The following KIF6 variants were observed in gnomAD, a reference collection of about 807,000 sequenced individuals.
KIF6 encodes kinesin-like protein KIF6.
Under a neutral mutation model 112.7 loss-of-function variants are expected in KIF6, and 106 were observed. That is an observed-to-expected ratio of 0.94 (90% CI 0.80 to 1.11). The LOEUF is 1.11. Ranked by LOEUF, KIF6 falls within the 50% of genes least tolerant of loss-of-function variation. KIF6 has a pLI of 0.00. For missense variants in KIF6, 929 were observed against 964.0 expected (o/e 0.96, Z 0.48); for synonymous variants, 339 against 339.9 (o/e 1.00, Z 0.03).
chr6:39,673,305 G>T (rs1786949030), intron 3 of KIF6, among the ~76,000 whole-genome samples: 1 of 152,164 alleles, frequency 6.6e-6, no homozygotes, highest in African/African-American at 2.4e-5. Flanking sequence ...ATCCTACCAA[G>T]TCTCATATAA....
At chr6:39,523,617 C>G (rs1198431277) in intron 13 of KIF6, among the ~76,000 whole-genome samples, 2 of 121,534 alleles carry the variant, frequency 1.6e-5, no homozygotes, top group African/African-American at 6.4e-5. Flanking sequence ...GTGCTCTCTT[C>G]TTTACTTCCC....
chr6:39,707,419 C>T (rs116459214), intron 3 of KIF6, among the ~76,000 whole-genome samples: 1,539 of 152,206 alleles, frequency 0.01, 21 homozygotes, highest in African/African-American at 0.035. Flanking sequence ...TTGTCTGAGC[C>T]CACTGGTGTT....
At chr6:39,664,420 C>A (rs2480089) in intron 3 of KIF6, among the ~76,000 whole-genome samples, 82,420 of 152,020 alleles carry the variant, frequency 0.54, 25,567 homozygotes, top group Non-Finnish European at 0.68. Context: ...TGGCTGCATG[C>A]GGAAGGAGCT....
At chr6:39,654,677 T>G (rs906458427) in intron 3 of KIF6, among the ~76,000 whole-genome samples, 1 of 152,238 alleles carries the variant, frequency 6.6e-6, no homozygotes, top group Admixed American at 6.5e-5. Flanking sequence ...ACTTTCACCA[T>G]AGTTATCGCT....
chr6:39,367,246 A>C (rs1233060178), intron 16 of KIF6, among the ~76,000 whole-genome samples: 1 of 152,224 alleles, frequency 6.6e-6, no homozygotes. Flanking sequence ...AATAAAAGCC[A>C]CTGAGCAAGA....
intron 3 of KIF6, among the ~76,000 whole-genome samples, chr6:39,666,311 A>G (rs972936044): frequency 3.3e-5 from 5 of 152,320 alleles, no homozygotes; most frequent in Admixed American, 3.3e-4. Context: ...ATAAGCATTT[A>G]TAAAGTACTT....
intron 18 of KIF6, among the ~76,000 whole-genome samples, chr6:39,357,773 A>G (rs7765442): frequency 0.16 from 23,944 of 152,130 alleles, 2,008 homozygotes; most frequent in Middle Eastern, 0.23. Context: ...AAGGGGAACA[A>G]GCCAGCTATA....
At chr6:39,422,379 A>C (rs993246598) in intron 14 of KIF6, among the ~76,000 whole-genome samples, 6 of 152,184 alleles carry the variant, frequency 3.9e-5, no homozygotes, top group Non-Finnish European at 7.3e-5. Flanking sequence ...GAGCTGGCAG[A>C]AACTGTGTGG....
At chr6:39,497,499 T>C (rs1335596889) in intron 13 of KIF6, among the ~76,000 whole-genome samples, 1 of 152,174 alleles carries the variant, frequency 6.6e-6, no homozygotes, top group Non-Finnish European at 1.5e-5. Context: ...AAGGAAGAAA[T>C]TGATGATTCC....
chr6:39,396,280 G>T (rs1333748200), intron 15 of KIF6, among the ~76,000 whole-genome samples: 2 of 152,244 alleles, frequency 1.3e-5, no homozygotes, highest in Non-Finnish European at 2.9e-5. Flanking sequence ...TCTTTCTGGT[G>T]CAATGGGCCA....
At chr6:39,589,120 C>T (rs370161305) in intron 7 of KIF6, among the ~76,000 whole-genome samples, 314 of 152,268 alleles carry the variant, frequency 2.1e-3, no homozygotes, top group African/African-American at 7.1e-3. Context: ...TTCAGCCTGT[C>T]GAGCTTATCC....
chr6:39,631,358 G>T (rs1784343566), intron 5 of KIF6, among the ~76,000 whole-genome samples: 1 of 151,894 alleles, frequency 6.6e-6, no homozygotes, highest in Admixed American at 6.6e-5. Context: ...TTGTTGCATT[G>T]TTTCTGATCT....
At position 39,524,758 on chromosome 6, in the gene KIF6, C is replaced by G. The variant is rs1201246457; in HGVS notation, c.1645+15245G>C. ...CTGGCAAAGTTGCAATACAGCTCAT[C>G]TTCTCCGTCCTCTAAGTCCTGCTCC... is the stretch of plus-strand genomic sequence containing the variant. On this transcript the variant is annotated intron_variant, in intron 13 of 22. Coordinates refer to ENST00000287152, the MANE Select transcript of KIF6 (RefSeq NM_145027.6). Among the ~76,000 whole-genome samples the G allele has an allele frequency of 3.3e-5, 5 of 152,208 alleles. No individual in the cohort carries two copies. In the South Asian group the frequency reaches 6.2e-4, roughly 19 times the overall value.
At position 39,714,730 on chromosome 6, in the gene KIF6, C is replaced by T; in HGVS notation, c.213G>A (p.Glu71=). The change falls in exon 3 of 23, where the codon GAG becomes GAA. Residue 71 remains glutamate (E), a synonymous_variant. Transcript: ENST00000287152. ...GTTTGGCAATGTTTTCAAAAACGGT[C>T]TCTTGGTTTGCATCCTGATCAAAAA... The part of the protein sequence containing the change: ...QRIFDQDANQ[E]TVFENIAKPV... The T allele has an allele frequency of 6.2e-7, 1 of 1,613,870 alleles. No individual in the cohort carries two copies. The highest frequency in any genetic ancestry group is 2.2e-5 in the East Asian group (1 of 44,876).
At position 39,343,731 on chromosome 6, in the gene KIF6, T is replaced by C; in HGVS notation, c.2406A>G (p.Arg802=). 6.2e-7 allele frequency: 1 copy of C among 1,612,134 alleles called. No individual in the cohort carries two copies. The highest frequency in any genetic ancestry group is 8.5e-7 in the Non-Finnish European group (1 of 1,179,112). The change falls in exon 22 of 23, where the codon AGA becomes AGG. Residue 802 remains arginine, a synonymous_variant. Transcript: ENST00000287152. The surrounding 1 kb of genome is among the most constrained non-coding windows in gnomAD (Gnocchi z 4.1). ...TACATTGCTTCTGCAGAATGCTCTG[T>C]CTGGCCTTGATGAAGGCGATGATGT... ...DSDIIAFIKA[R]QSILQKQCLG...
chr6:39,581,659 AT>A lies in KIF6; in HGVS notation c.1077+3238del, dbSNP rs376214187. 5.3e-4 allele frequency among the ~76,000 whole-genome samples: 78 copies of A among 147,868 alleles called. 1 individual carries two copies. The highest frequency in any genetic ancestry group is 9.6e-4 in the African/African-American group (39 of 40,460). ...GACATCTCCATATGGTAGTGGATAG[AT>A]TTTTTTTTTTATAGTTGTCCCTTTT... is the stretch of plus-strand genomic sequence containing the variant. On this transcript the variant is annotated intron_variant, in intron 9 of 22. Coordinates refer to ENST00000287152, the MANE Select transcript of KIF6 (RefSeq NM_145027.6).
chr6:39,640,060 T>G (rs1321615979), intron 3 of KIF6, among the ~76,000 whole-genome samples: 1 of 152,034 alleles, frequency 6.6e-6, no homozygotes, highest in African/African-American at 2.4e-5. Flanking sequence ...GAAAAAAAGT[T>G]CTGGGGAAAC....
intron 22 of KIF6, among the ~76,000 whole-genome samples, chr6:39,339,422 CG>C (rs1162063877): frequency 6.6e-6 from 1 of 151,996 alleles, no homozygotes; most frequent in Non-Finnish European, 1.5e-5. Flanking sequence ...CCTCCCAGCT[CG>C]GGGCTCTTTC....
intron 3 of KIF6, among the ~76,000 whole-genome samples, chr6:39,681,342 A>C (rs1283683791): frequency 6.6e-6 from 1 of 152,166 alleles, no homozygotes; most frequent in African/African-American, 2.4e-5. Flanking sequence ...CACTATAGGA[A>C]CTGTATTCTG....
Sources: gnomAD v4.1 joint callset for allele counts (sites outside exome capture counted in the v4.1 genomes callset) on GRCh38, gnomAD v4.1.1 for gene constraint, Gnocchi (gnomAD v3.1) non-coding constraint, MANE v1.5 for transcripts, NCBI Gene and HGNC (gene_info 2026-07-23, HGNC 2026-07-21) for gene names.